Variants in SPATA9 observed in about 807,000 individuals in gnomAD.
SPATA9 encodes spermatogenesis-associated protein 9.
A neutral mutation model predicts 25.5 loss-of-function variants in SPATA9; 27 were observed. The ratio of observed to expected loss-of-function variants is 1.06; its 90% CI spans 0.78 to 1.46. The LOEUF is 1.46. Among genes scored for constraint, SPATA9 ranks in the 40% most tolerant of loss-of-function variants. SPATA9 has a pLI of 0.00. For missense variants in SPATA9, 282 were observed against 297.5 expected, an observed-to-expected ratio of 0.95 and a Z score of 0.38; for synonymous variants, 102 against 105.7, an observed-to-expected ratio of 0.97 and a Z score of 0.21.
intron 3 of SPATA9, among the ~76,000 whole-genome samples, chr5:95,675,041 C>T (rs535807633): frequency 1.3e-5 from 2 of 152,154 alleles, no homozygotes; most frequent in Admixed American, 6.5e-5. Context: ...GGTAAATATA[C>T]TCAATATATT....
chr5:95,665,429 TTTG>T (rs1223357346), intron 3 of SPATA9, among the ~76,000 whole-genome samples: 5 of 152,160 alleles, frequency 3.3e-5, no homozygotes, highest in African/African-American at 1.2e-4. Flanking sequence ...GTACCAACTT[TTTG>T]TTGTTGTAGT....
downstream of SPATA9, chr5:95,655,819 A>G (rs1750719510): frequency 6.3e-6 from 3 of 474,934 alleles, no homozygotes; most frequent in African/African-American, 5.9e-5. Flanking sequence ...TTGCCTGAGC[A>G]TGTCAGTCTT....
At chr5:95,702,343 T>A (rs771229580), upstream of SPATA9, among the ~76,000 whole-genome samples, 2 of 152,214 alleles carry the variant, frequency 1.3e-5, no homozygotes, top group Non-Finnish European at 2.9e-5. Flanking sequence ...TTTGGAAATA[T>A]CCATCAAGGG....
At chr5:95,731,056 C>A in the SPATA9 span, 1 of 1,059,636 alleles carries the variant, frequency 9.4e-7, no homozygotes, top group Non-Finnish European at 1.2e-6. Flanking sequence ...TACGGCCTTG[C>A]GAGTTGAACA....
the SPATA9 span, among the ~76,000 whole-genome samples, chr5:95,727,333 G>A: frequency 6.6e-6 from 1 of 152,128 alleles, no homozygotes; most frequent in South Asian, 2.1e-4. Context: ...CTCTAGGCCT[G>A]CCCTCACCAA....
intron 1 of SPATA9, among the ~76,000 whole-genome samples, chr5:95,689,555 A>C (rs927265202): frequency 1.3e-5 from 2 of 152,246 alleles, no homozygotes; most frequent in African/African-American, 4.8e-5. Context: ...AAGGACAATA[A>C]ACCAAAAAGA....
chr5:95,692,106 A>G (rs1321642627), intron 1 of SPATA9, among the ~76,000 whole-genome samples: 1 of 152,118 alleles, frequency 6.6e-6, no homozygotes, highest in African/African-American at 2.4e-5. Flanking sequence ...CACTATATTC[A>G]TAAGTGAGAT....
chr5:95,661,535 T>A (rs765049603), intron 4 of SPATA9, among the ~76,000 whole-genome samples: 1 of 152,100 alleles, frequency 6.6e-6, no homozygotes, highest in Non-Finnish European at 1.5e-5. Context: ...GAAATCTAAT[T>A]TTTGTGTTAG....
chr5:95,725,684 T>TGAGCTCC, the SPATA9 span, among the ~76,000 whole-genome samples: 1 of 152,262 alleles, frequency 6.6e-6, no homozygotes, highest in Admixed American at 6.5e-5. Flanking sequence ...TTACTACTTG[T>TGAGCTCC]ATAACCTCTT....
chr5:95,689,534 C>G lies in SPATA9; in HGVS notation n.124+9054G>C, dbSNP rs145694752. ...TTTGGAGTGAATTTAAAACACAGTACAAGACATTGCAAGGACAATAAACCA... is the reference window on the plus strand; with the variant it reads ...TTTGGAGTGAATTTAAAACACAGTAGAAGACATTGCAAGGACAATAAACCA... On this transcript the variant is annotated intron_variant and non_coding_transcript_variant, in intron 1 of 2. Coordinates refer to the SPATA9 transcript ENST00000379990. 3.0e-3 allele frequency among the ~76,000 whole-genome samples: 452 copies of G among 152,190 alleles called. 2 individuals are homozygous for G. The highest frequency in any genetic ancestry group is 0.01 in the African/African-American group (427 of 41,548).
chr5:95,663,424 G>A (rs1300164077), intron 4 of SPATA9, among the ~76,000 whole-genome samples: 1 of 152,148 alleles, frequency 6.6e-6, no homozygotes, highest in Non-Finnish European at 1.5e-5. Context: ...CTTGACCTGG[G>A]TAGTATAGAG....
the SPATA9 span, chr5:95,731,584 G>A: frequency 5.1e-6 from 8 of 1,565,346 alleles, no homozygotes; most frequent in South Asian, 7.0e-5. Flanking sequence ...CGCGGCCGGG[G>A]ATGAGCGGAT....
intron 2 of SPATA9, 102 bp from the exon 3 acceptor site, chr5:95,675,741 G>GACACCATGCACAAT: frequency 5.7e-6 from 5 of 882,612 alleles, no homozygotes; most frequent in African/African-American, 1.7e-5. Context: ...CATTGTGCAT[G>GACACCATGCACAAT]GTGTCATGCA....
intron 2 of SPATA9, 143 bp from the exon 3 acceptor site, chr5:95,675,782 C>T (rs1053542850): frequency 1.6e-6 from 1 of 623,886 alleles, no homozygotes; most frequent in Non-Finnish European, 2.7e-6. Context: ...TCTGTCCCCC[C>T]ATGAAACCCC....
At chr5:95,686,950 C>T (rs943786827), upstream of SPATA9, among the ~76,000 whole-genome samples, 5 of 152,132 alleles carry the variant, frequency 3.3e-5, no homozygotes, top group Non-Finnish European at 5.9e-5. Context: ...ATTCCTTTCA[C>T]GGACAGCAAA....
chr5:95,717,432 C>T, the SPATA9 span: 23 of 152,050 alleles, frequency 1.5e-4, no homozygotes, highest in African/African-American at 2.2e-4. Flanking sequence ...TACACACACA[C>T]GTATCTATTT....
At chr5:95,697,905 G>GAA (rs199565882) in intron 1 of SPATA9, among the ~76,000 whole-genome samples, 2 of 139,780 alleles carry the variant, frequency 1.4e-5, no homozygotes, top group Non-Finnish European at 1.6e-5. Flanking sequence ...GACATTCCAT[G>GAA]AAAAAAAAAA....
chr5:95,711,882 C>T, the SPATA9 span, among the ~76,000 whole-genome samples: 1 of 152,196 alleles, frequency 6.6e-6, no homozygotes, highest in African/African-American at 2.4e-5. Context: ...GGTAACAACC[C>T]GCCACACGGC....
chr5:95,699,764 A>C (rs563387842), upstream of SPATA9, among the ~76,000 whole-genome samples: 59 of 152,248 alleles, frequency 3.9e-4, 1 homozygote, highest in Non-Finnish European at 1.5e-5. Flanking sequence ...GGGTGAGCAT[A>C]GTGGGAAGAA....
Sources: gnomAD v4.1 joint callset for allele counts (sites outside exome capture counted in the v4.1 genomes callset) on GRCh38, gnomAD v4.1.1 for gene constraint, MANE v1.5 for transcripts, NCBI Gene and HGNC (gene_info 2026-07-23, HGNC 2026-07-21) for gene names.